PIGK: variants seen among roughly 807,000 people sequenced by gnomAD.
The protein encoded by PIGK is phosphatidylinositol glycan anchor biosynthesis class K.
A neutral mutation model predicts 50.6 loss-of-function variants in PIGK; 42 were observed. The observed-to-expected ratio is 0.83, with a 90% CI of 0.65 to 1.07. The LOEUF is 1.07. Ranked by LOEUF, PIGK falls within the 50% of genes least tolerant of loss-of-function variation. PIGK has a pLI of 0.00. For missense variants in PIGK, 448 were observed against 488.7 expected (o/e 0.92, Z 0.78); for synonymous variants, 151 against 156.0 (o/e 0.97, Z 0.24).
intron 8 of PIGK, among the ~76,000 whole-genome samples, chr1:77,160,553 T>A (rs1182973688): frequency 6.6e-6 from 1 of 152,194 alleles, no homozygotes; most frequent in Non-Finnish European, 1.5e-5. Flanking sequence ...AGCCTGTGCT[T>A]GGCACTTAGC....
chr1:77,206,221 A>G (rs1307522286), intron 3 of PIGK, among the ~76,000 whole-genome samples: 1 of 152,148 alleles, frequency 6.6e-6, no homozygotes, highest in East Asian at 1.9e-4. Flanking sequence ...GTCTCTTCTA[A>G]TATCTAGGCT....
intron 2 of PIGK, among the ~76,000 whole-genome samples, chr1:77,208,301 G>T (rs372703868): frequency 6.6e-6 from 1 of 151,728 alleles, no homozygotes; most frequent in African/African-American, 2.4e-5. Context: ...GTAAAATATT[G>T]GACAAAAAAA....
chr1:77,173,578 T>G (rs559238515), intron 3 of PIGK, among the ~76,000 whole-genome samples: 2 of 152,208 alleles, frequency 1.3e-5, no homozygotes, highest in Non-Finnish European at 2.9e-5. Context: ...CCTCTCTCTG[T>G]GCAAACTGGT....
At chr1:77,185,674 C>T (rs985546834) in intron 3 of PIGK, among the ~76,000 whole-genome samples, 9 of 152,180 alleles carry the variant, frequency 5.9e-5, no homozygotes, top group Non-Finnish European at 1.3e-4. Context: ...GGGTCCAGAA[C>T]AGGAGAAGGC....
intron 9 of PIGK, among the ~76,000 whole-genome samples, chr1:77,142,612 G>A (rs942807951): frequency 6.6e-6 from 1 of 152,070 alleles, no homozygotes; most frequent in Admixed American, 6.6e-5. Context: ...GGAAACTTAC[G>A]AACATGGCAG....
chr1:77,155,956 C>T (rs1307253986), intron 8 of PIGK, among the ~76,000 whole-genome samples: 1 of 152,160 alleles, frequency 6.6e-6, no homozygotes, highest in African/African-American at 2.4e-5. Context: ...TATATCTCCA[C>T]TTCAAACTAA....
At chr1:77,161,443 CATT>C (rs1557810174) in intron 7 of PIGK, 38 bp from the exon 8 acceptor site, 20 of 1,209,526 alleles carry the variant, frequency 1.7e-5, no homozygotes, top group Non-Finnish European at 2.5e-5. Flanking sequence ...CTAACAGTAT[CATT>C]ATAACAAAAT....
chr1:77,178,669 G>C (rs12733382), intron 3 of PIGK, among the ~76,000 whole-genome samples: 6,711 of 152,174 alleles, frequency 0.044, 252 homozygotes, highest in Admixed American at 0.12. Context: ...CCTGGGTAAG[G>C]AGCATATTCC....
At chr1:77,116,072 C>G (rs1368010939) in intron 10 of PIGK, among the ~76,000 whole-genome samples, 2 of 152,114 alleles carry the variant, frequency 1.3e-5, no homozygotes, top group East Asian at 1.9e-4. Context: ...TTAAAGCATA[C>G]ATGGGTTTAT....
At chr1:77,216,623 A>C (rs1656571977) in intron 1 of PIGK, among the ~76,000 whole-genome samples, 2 of 151,782 alleles carry the variant, frequency 1.3e-5, no homozygotes, top group South Asian at 4.2e-4. Flanking sequence ...TGTGTGTGGC[A>C]TGTGTGTGTG....
intron 9 of PIGK, among the ~76,000 whole-genome samples, chr1:77,125,743 T>C (rs1051495959): frequency 2.0e-5 from 3 of 152,138 alleles, no homozygotes; most frequent in East Asian, 1.9e-4. Flanking sequence ...CCTTTCAATA[T>C]GGAAATTCAG....
intron 3 of PIGK, among the ~76,000 whole-genome samples, chr1:77,185,608 G>A (rs906907577): frequency 2.0e-5 from 3 of 152,124 alleles, no homozygotes; most frequent in Non-Finnish European, 2.9e-5. Context: ...TCCTCACTGG[G>A]GTGTGTTACT....
chr1:77,152,249 G>A (rs923857973), intron 9 of PIGK, among the ~76,000 whole-genome samples: 11 of 152,060 alleles, frequency 7.2e-5, no homozygotes, highest in African/African-American at 2.2e-4. Context: ...TATACATTGG[G>A]AAAGGACACT....
At chr1:77,146,481 G>C (rs557187262) in intron 9 of PIGK, among the ~76,000 whole-genome samples, 1 of 152,122 alleles carries the variant, frequency 6.6e-6, no homozygotes, top group East Asian at 1.9e-4. Context: ...GGATAACATA[G>C]CAAGACCCTG....
intron 9 of PIGK, among the ~76,000 whole-genome samples, chr1:77,138,481 G>C (rs1006770543): frequency 2.6e-5 from 4 of 152,206 alleles, no homozygotes; most frequent in African/African-American, 9.7e-5. Flanking sequence ...TGTCAACAAT[G>C]AGTGAGCTTG....
At chr1:77,143,545 A>G (rs1654704761) in intron 9 of PIGK, among the ~76,000 whole-genome samples, 1 of 152,152 alleles carries the variant, frequency 6.6e-6, no homozygotes, top group Non-Finnish European at 1.5e-5. Flanking sequence ...ATATAGAGAG[A>G]AATTTTTACC....
At chr1:77,146,039 A>C (rs1184167497) in intron 9 of PIGK, among the ~76,000 whole-genome samples, 1 of 152,132 alleles carries the variant, frequency 6.6e-6, no homozygotes, top group East Asian at 1.9e-4. Context: ...TGATAAACCC[A>C]CTATGAAGTC....
At chr1:77,176,162 T>C (rs891888524) in intron 3 of PIGK, among the ~76,000 whole-genome samples, 1 of 152,192 alleles carries the variant, frequency 6.6e-6, no homozygotes, top group African/African-American at 2.4e-5. Context: ...TGAATGACTA[T>C]GGTGTCCAGT....
intron 3 of PIGK, among the ~76,000 whole-genome samples, chr1:77,179,429 T>A (rs115743261): frequency 0.013 from 1,992 of 152,276 alleles, 52 homozygotes; most frequent in African/African-American, 0.045. Context: ...AAAACCTAAT[T>A]TAGGAGTATG....
Sources: gnomAD v4.1 joint callset for allele counts (sites outside exome capture counted in the v4.1 genomes callset) on GRCh38, gnomAD v4.1.1 for gene constraint, MANE v1.5 for transcripts, NCBI Gene and HGNC (gene_info 2026-07-23, HGNC 2026-07-21) for gene names.